Variants in RASIP1 observed in about 807,000 individuals in gnomAD.
The protein encoded by RASIP1 is ras-interacting protein 1.
In RASIP1, 20 loss-of-function variants were observed where a neutral mutation model predicts 85.3. The ratio of observed to expected loss-of-function variants is 0.23; its 90% CI spans 0.17 to 0.34. The LOEUF (loss-of-function observed/expected upper bound fraction) is 0.34. Among genes scored for constraint, RASIP1 ranks in the 10% least tolerant of loss-of-function variants. The probability of loss-of-function intolerance (pLI) is 1.00; values close to 1 mark genes in which losing one functional copy is unlikely to be tolerated. For missense variants in RASIP1, 1,170 were observed against 1,390.9 expected (o/e 0.84, Z 2.53); for synonymous variants, 617 against 647.1 (o/e 0.95, Z 0.71).
intron 5 of RASIP1, among the ~76,000 whole-genome samples, chr19:48,727,967 C>T (rs1345852155): frequency 6.6e-6 from 1 of 152,292 alleles, no homozygotes; most frequent in East Asian, 1.9e-4. Flanking sequence ...GGATTACAGG[C>T]ATGAGCCACC....
chr19:48,734,935 A>T (rs1225141580), intron 4 of RASIP1, among the ~76,000 whole-genome samples: 1 of 152,056 alleles, frequency 6.6e-6, no homozygotes, highest in Non-Finnish European at 1.5e-5. Flanking sequence ...TCTACAATGG[A>T]ATCTCCTTAA....
chr19:48,735,253 G>A lies in RASIP1; in HGVS notation c.1122C>T (p.Ile374=). The A allele has an allele frequency of 6.2e-7, 1 of 1,614,018 alleles. No individual in the cohort carries two copies. Among genetic ancestry groups the A allele is most frequent in the Non-Finnish European group, 8.5e-7 (1 of 1,179,966 alleles). The change falls in exon 4 of 12, where the codon ATC becomes ATT. Residue 374 remains isoleucine (I), a synonymous_variant. Coordinates refer to ENST00000222145, the MANE Select transcript of RASIP1 (RefSeq NM_017805.3). ...AGTAGGGGCGGTTGCTGGGGGCCTGGATGAGGCACTGAGTCAACTGATCGA... is the reference window on the plus strand; with the variant it reads ...AGTAGGGGCGGTTGCTGGGGGCCTGAATGAGGCACTGAGTCAACTGATCGA... The part of the protein sequence containing the change: ...GDFDQLTQCL[I]QAPSNRPYFL...
In RASIP1 at chr19:48,729,148, C is replaced by G; in HGVS notation, c.1622G>C (p.Arg541Pro). ...CGGCCGGAAGCGCAGGACTGGCTCACGGCCGTCCAGGTAGGCGGCCAGTGC... is the reference window on the plus strand; with the variant it reads ...CGGCCGGAAGCGCAGGACTGGCTCAGGGCCGTCCAGGTAGGCGGCCAGTGC... Reference protein sequence around the residue: ...GEALAAYLDGREPVLRFRPRE... With the variant: ...GEALAAYLDGPEPVLRFRPRE... Residue 541 changes from arginine to proline, a missense_variant, in exon 5 of 12, where the codon CGT becomes CCT. Physicochemically the swap from Arg to Pro is moderately radical, Grantham distance 103. This residue lies in a region of RASIP1 where 426 missense variants were observed against 576.2 expected (regional missense o/e 0.74). Transcript: ENST00000222145. 7.5e-7 allele frequency: 1 copy of G among 1,327,754 alleles called. No individual in the cohort carries two copies. The highest frequency in any genetic ancestry group is 9.6e-7 in the Non-Finnish European group (1 of 1,037,838). The allele number at this position is 1,327,754 out of a possible 1,614,324, so 82.2% of individuals were successfully genotyped here.
chr19:48,727,682 CTTTTTTTTT>C (rs778318979), intron 5 of RASIP1, among the ~76,000 whole-genome samples: 42 of 121,800 alleles, frequency 3.4e-4, no homozygotes, highest in Admixed American at 5.2e-4. Flanking sequence ...CATACGGATT[CTTTTTTTTT>C]TTTTTTTTTT....
At position 48,739,052 on chromosome 19, in the gene RASIP1, G is replaced by A; in HGVS notation, c.731C>T (p.Ala244Val). The A allele has an allele frequency of 1.6e-6, 2 of 1,248,592 alleles. No homozygotes were observed. The highest frequency in any genetic ancestry group is 3.1e-5 in the South Asian group (1 of 32,206). 77.3% of individuals were successfully genotyped at this position (1,248,592 alleles called of 1,614,324 possible). A position where few individuals can be genotyped will look rare whatever the true frequency, so the allele number is the denominator to read the frequency against. ...GAAGCGCCGCGCCCAGCCGGGCCGC[G>A]CCCGCCACAGCTCCTGCACCAGCAG... ...RPLLVQELWR[A>V]RPGWARRFEL... The change falls in exon 3 of 12, where the codon GCG becomes GTG. Residue 244 changes from alanine (A) to valine (V), a missense_variant. Ala to Val is a moderately conservative substitution (Grantham distance 64). Coordinates refer to ENST00000222145, the MANE Select transcript of RASIP1 (RefSeq NM_017805.3). The surrounding 1 kb of genome is among the most constrained non-coding windows in gnomAD (Gnocchi z 9.2).
At chr19:48,726,115 C>T (rs571508280) in intron 8 of RASIP1, among the ~76,000 whole-genome samples, 42 of 152,096 alleles carry the variant, frequency 2.8e-4, no homozygotes, top group Admixed American at 1.5e-3. Flanking sequence ...TTAGTAGAGA[C>T]GGGGTTTTAC....
chr19:48,737,226 T>A (rs1331389843), intron 3 of RASIP1, among the ~76,000 whole-genome samples: 3 of 152,142 alleles, frequency 2.0e-5, no homozygotes, highest in Non-Finnish European at 1.5e-5. Flanking sequence ...TCCCATTGAA[T>A]CCTCACCTAG....
chr19:48,736,182 G>C (rs1245182731), intron 3 of RASIP1, among the ~76,000 whole-genome samples: 6 of 151,202 alleles, frequency 4.0e-5, no homozygotes, highest in African/African-American at 9.7e-5. Flanking sequence ...TTGGGAGGCT[G>C]AGGCGGGCGG....
intron 3 of RASIP1, chr19:48,737,996 G>T: frequency 1.0e-6 from 1 of 960,396 alleles, no homozygotes; most frequent in East Asian, 1.1e-4. Flanking sequence ...CCAGGCTGGA[G>T]TTCAGTGGCG....
At chr19:48,723,857 G>T (rs2033295007) in intron 10 of RASIP1, among the ~76,000 whole-genome samples, 1 of 150,722 alleles carries the variant, frequency 6.6e-6, no homozygotes, top group South Asian at 2.1e-4. Flanking sequence ...GCCCCGGCTG[G>T]AGTGCAATGG....
At chr19:48,737,442 A>G in intron 3 of RASIP1, 1 of 985,116 alleles carries the variant, frequency 1.0e-6, no homozygotes, top group Non-Finnish European at 1.2e-6. Context: ...CTGTTTGACC[A>G]TTGACTCTAC....
Position 48,729,574 on chromosome 19 carries a change from A to C in RASIP1, c.1196T>G (p.Val399Gly), listed in dbSNP as rs768602596. 2 of 1,598,176 alleles carry C rather than the reference A, an allele frequency of 1.3e-6. No homozygotes were observed. Among genetic ancestry groups the C allele is most frequent in the East Asian group, 4.6e-5 (2 of 43,890 alleles). Residue 399 changes from valine (V) to glycine (G), a missense_variant, in exon 5 of 12, where the codon GTG becomes GGG. Val to Gly is a moderately radical substitution (Grantham distance 109, BLOSUM62 -3). Transcript: ENST00000222145. The stretch of plus-strand genomic sequence containing the variant: ...AAACACGTGCTGCTCTCGCGTCATC[A>C]CATACACCACAAAGTCCTGGAGGGG... ...YQDAQDFVVYVMTREQHVFGR... is the reference protein window; with the variant it reads ...YQDAQDFVVYGMTREQHVFGR...
Position 48,739,227 on chromosome 19 carries a change from C to T in RASIP1, c.556G>A (p.Ala186Thr). 1 of 1,481,022 alleles carries T rather than the reference C, an allele frequency of 6.8e-7. No individual in the cohort carries two copies. Among genetic ancestry groups the T allele is most frequent in the East Asian group, 2.9e-5 (1 of 34,154 alleles). The allele number at this position is 1,481,022 out of a possible 1,614,324, so 91.7% of individuals were successfully genotyped here. Residue 186 changes from alanine to threonine, a missense_variant, in exon 3 of 12, where the codon GCA becomes ACA. By Grantham distance (58) the Ala-to-Thr change is moderately conservative (BLOSUM62 0). Transcript: ENST00000222145. This position sits in a 1 kb window ranked among gnomAD's most constrained non-coding sequence, Gnocchi z 9.2. ...CCGGGGCCACCGCCGGGGCTGCCTG[C>T]TAGGCCGTAGCGCTCTAGCGCCTCG... The part of the protein sequence containing the change: ...VAEALERYGL[A>T]GSPGGGPGES...
intron 4 of RASIP1, among the ~76,000 whole-genome samples, chr19:48,731,242 CTAT>C (rs2033452232): frequency 2.0e-5 from 3 of 152,236 alleles, no homozygotes; most frequent in Middle Eastern, 6.8e-3. Context: ...ATGGACTCAC[CTAT>C]TATTCCCACC....
intron 10 of RASIP1, among the ~76,000 whole-genome samples, chr19:48,722,537 G>A (rs568511421): frequency 2.0e-5 from 3 of 152,154 alleles, no homozygotes; most frequent in Admixed American, 2.0e-4. Flanking sequence ...GCCCAGGCTG[G>A]TCTCAAGCTT....
In RASIP1 at chr19:48,740,125, T is replaced by G. The variant is rs1599752899; in HGVS notation, c.137+21A>C. 1.3e-6 allele frequency: 2 copies of G among 1,567,574 alleles called. No individual in the cohort carries two copies. Among genetic ancestry groups the G allele is most frequent in the Non-Finnish European group, 1.7e-6 (2 of 1,161,708 alleles). ...GGAAGCAGGTGTGCAGGGGCAGGAG[T>G]CCTGCAGAGATGGCACTCACTTGAC... is the stretch of plus-strand genomic sequence containing the variant. On this transcript the variant is annotated intron_variant, in intron 2 of 11. Transcript: ENST00000222145. This position sits in a 1 kb window ranked among gnomAD's most constrained non-coding sequence, Gnocchi z 5.5.
At chr19:48,730,773 C>G (rs2033441512) in intron 4 of RASIP1, among the ~76,000 whole-genome samples, 2 of 152,146 alleles carry the variant, frequency 1.3e-5, no homozygotes, top group South Asian at 2.1e-4. Flanking sequence ...CACCTGCAAT[C>G]CCAGCACTTT....
intron 11 of RASIP1, 103 bp downstream of exon 11, chr19:48,721,751 C>A (rs1435265326): frequency 1.4e-6 from 2 of 1,403,270 alleles, no homozygotes; most frequent in East Asian, 5.3e-5. Context: ...TGCAGTGAGC[C>A]AAGATCGCGC....
intron 4 of RASIP1, among the ~76,000 whole-genome samples, chr19:48,731,285 C>A (rs954369823): frequency 1.3e-5 from 2 of 151,660 alleles, no homozygotes; most frequent in African/African-American, 4.8e-5. Context: ...AAGAGATAAT[C>A]CCCCTTCCAT....
Sources: gnomAD v4.1 joint callset for allele counts (sites outside exome capture counted in the v4.1 genomes callset) on GRCh38, gnomAD v4.1.1 for gene constraint, gnomAD v4.1.1 regional missense constraint, Gnocchi (gnomAD v3.1) non-coding constraint, MANE v1.5 for transcripts, NCBI Gene and HGNC (gene_info 2026-07-23, HGNC 2026-07-21) for gene names.